Variants in CDH23 observed in about 807,000 individuals in gnomAD.
The protein encoded by CDH23 is cadherin-23.
Under a neutral mutation model 317.1 loss-of-function variants are expected in CDH23, and 189 were observed. That is an observed-to-expected ratio of 0.60 (90% CI 0.53 to 0.67). The LOEUF (loss-of-function observed/expected upper bound fraction) is 0.67. CDH23 is among the 30% of genes least tolerant of loss of function. The probability of loss-of-function intolerance (pLI) is 0.00; values close to 1 mark genes in which losing one functional copy is unlikely to be tolerated. For synonymous variants in CDH23, 1,839 were observed against 1,876.8 expected (o/e 0.98, Z 0.52); for missense variants, 4,401 against 4,592.4 (o/e 0.96, Z 1.20).
chr10:71,815,070 A>C lies in CDH23; in HGVS notation c.9857A>C (p.His3286Pro). The C allele has an allele frequency of 6.2e-7, 1 of 1,611,848 alleles. No individual in the cohort carries two copies. The highest frequency in any genetic ancestry group is 8.5e-7 in the Non-Finnish European group (1 of 1,179,362). Reference protein sequence around the residue: ...LKGPDGIHVVHGSTGTLLATD... With the variant: ...LKGPDGIHVVPGSTGTLLATD... Reference sequence around the variant, plus strand: ...GGGCCCGATGGGATCCATGTGGTGCACGGCAGCACGGGCACGCTGCTGGCC... The same window carrying C: ...GGGCCCGATGGGATCCATGTGGTGCCCGGCAGCACGGGCACGCTGCTGGCC... Residue 3286 changes from histidine to proline, a missense_variant, in exon 70 of 70, where the codon CAC becomes CCC. Physicochemically the swap from His to Pro is moderately conservative, Grantham distance 77. This residue lies in a region of CDH23 where 1,144 missense variants were observed against 1,138.2 expected (regional missense o/e 1.01). Coordinates refer to ENST00000224721, the MANE Select transcript of CDH23 (RefSeq NM_022124.6).
At chr10:71,754,011 T>A (rs1840071267) in intron 38 of CDH23, among the ~76,000 whole-genome samples, 1 of 152,182 alleles carries the variant, frequency 6.6e-6, no homozygotes, top group South Asian at 2.1e-4. Flanking sequence ...AATCCACACC[T>A]GTTGGCCTCT....
At chr10:71,781,919 C>T (rs1380709318) in intron 41 of CDH23, among the ~76,000 whole-genome samples, 1 of 152,198 alleles carries the variant, frequency 6.6e-6, no homozygotes, top group Non-Finnish European at 1.5e-5. Flanking sequence ...TTTCCCACAT[C>T]TCCTCCCACC....
chr10:71,403,610 G>A (rs1369449272), intron 1 of CDH23, among the ~76,000 whole-genome samples: 19 of 147,974 alleles, frequency 1.3e-4, no homozygotes, highest in African/African-American at 3.5e-4. Context: ...TCCGCCTCCC[G>A]GATTCAAGTG....
intron 19 of CDH23, among the ~76,000 whole-genome samples, chr10:71,689,343 G>C (rs1201463060): frequency 6.6e-6 from 1 of 152,040 alleles, no homozygotes; most frequent in East Asian, 1.9e-4. Context: ...GCTGCACCCA[G>C]CCTACCCTGC....
chr10:71,706,869 T>C lies in CDH23; in HGVS notation c.2954-28T>C. On this transcript the variant is annotated intron_variant, in intron 25 of 69. Coordinates refer to ENST00000224721, the MANE Select transcript of CDH23 (RefSeq NM_022124.6). The stretch of plus-strand genomic sequence containing the variant: ...GGTCTTCTGCGGCAGAAGCCAGGCC[T>C]AGCCCCGGCGCCCGTTCTGCCCCGC... The C allele has an allele frequency of 1.9e-6, 3 of 1,571,152 alleles. No homozygotes were observed. The South Asian group carries it at 3.5e-5, about 18-fold the overall frequency.
chr10:71,672,869 G>A lies in CDH23; in HGVS notation c.1450-2243G>A, dbSNP rs561766965. 2.0e-5 allele frequency among the ~76,000 whole-genome samples: 3 copies of A among 152,122 alleles called. No individual in the cohort carries two copies. In the South Asian group the frequency reaches 6.2e-4, roughly 32 times the overall value. The stretch of plus-strand genomic sequence containing the variant: ...TTTTGTGGGGCACCCAGATCTGAAG[G>A]GCTCATCCCCAGGGCTCAGATGTGA... On this transcript the variant is annotated intron_variant, in intron 14 of 69. Transcript: ENST00000224721.
At chr10:71,634,817 C>G (rs780921964) in intron 11 of CDH23, among the ~76,000 whole-genome samples, 2 of 152,202 alleles carry the variant, frequency 1.3e-5, no homozygotes, top group Non-Finnish European at 2.9e-5. Context: ...TGGAAAGGAC[C>G]GTGTGTCCCC....
At chr10:71,525,069 A>C (rs1022628107) in intron 6 of CDH23, among the ~76,000 whole-genome samples, 6 of 151,570 alleles carry the variant, frequency 4.0e-5, no homozygotes, top group Non-Finnish European at 8.8e-5. Flanking sequence ...CACCATGCCC[A>C]GCTAATTTTT....
chr10:71,643,973 C>A (rs1294683434), intron 12 of CDH23, 107 bp downstream of exon 12: 6 of 719,490 alleles, frequency 8.3e-6, no homozygotes, highest in South Asian at 1.5e-5. Flanking sequence ...CCCACCCTCT[C>A]AGGCCCCCAG....
rs757887131 is a variant in CDH23, at chr10:71,702,226, C to T, written c.2587+15C>T. 7 of 1,610,038 alleles carry T rather than the reference C, an allele frequency of 4.3e-6. No homozygotes were observed. In the East Asian group the frequency reaches 6.7e-5, roughly 15 times the overall value. Reference sequence around the variant, plus strand: ...TGTTACTGACTGTATGGACCCCTCTCGCCCCTCACGGCCCCCACACCTTAG... The same window carrying T: ...TGTTACTGACTGTATGGACCCCTCTTGCCCCTCACGGCCCCCACACCTTAG... On this transcript the variant is annotated intron_variant, in intron 23 of 69. Transcript: ENST00000224721.
chr10:71,403,526 C>CT lies in CDH23; in HGVS notation c.-6+6219dup, dbSNP rs763396840. Among the ~76,000 whole-genome samples the CT allele has an allele frequency of 7.8e-4, 93 of 118,700 alleles. 4 individuals carry two copies. Among genetic ancestry groups the CT allele is most frequent in the East Asian group, 4.1e-3 (14 of 3,442 alleles). 77.9% of individuals were successfully genotyped at this position (118,700 alleles called of 152,430 possible). ...CCTTCCTTTCTTTCCTTCTTTCTTT[C>CT]TTTTTTTTTTTGATGGAGTCTCTCT... On this transcript the variant is annotated intron_variant, in intron 1 of 69. Coordinates refer to ENST00000224721, the MANE Select transcript of CDH23 (RefSeq NM_022124.6).
At chr10:71,594,714 C>T (rs578182736) in intron 9 of CDH23, among the ~76,000 whole-genome samples, 5 of 152,278 alleles carry the variant, frequency 3.3e-5, no homozygotes, top group African/African-American at 1.2e-4. Context: ...CTTGATTTGG[C>T]CTCTTGACCT....
chr10:71,793,731 C>A, intron 48 of CDH23, 91 bp downstream of exon 48: 3 of 990,218 alleles, frequency 3.0e-6, no homozygotes, highest in African/African-American at 1.6e-5. Flanking sequence ...CTTTCTCTTT[C>A]TTTGCTGTTC....
chr10:71,566,964 G>A (rs547555560), intron 7 of CDH23, 28 bp downstream of exon 7: 225 of 1,600,648 alleles, frequency 1.4e-4, no homozygotes, highest in South Asian at 8.3e-4. Flanking sequence ...GGCCCCGGCC[G>A]TCCCAGCTGC....
At chr10:71,620,522 A>C (rs564021147) in intron 11 of CDH23, among the ~76,000 whole-genome samples, 1 of 152,168 alleles carries the variant, frequency 6.6e-6, no homozygotes, top group East Asian at 1.9e-4. Flanking sequence ...AAATGTCTGC[A>C]GGAATGCCCA....
chr10:71,609,325 T>C (rs1860720320), intron 9 of CDH23, among the ~76,000 whole-genome samples: 1 of 148,238 alleles, frequency 6.7e-6, no homozygotes, highest in Non-Finnish European at 1.5e-5. Context: ...TCCGACCACC[T>C]AGAAAACAGC....
intron 3 of CDH23, among the ~76,000 whole-genome samples, chr10:71,465,075 A>AT (rs1196609352): frequency 6.6e-6 from 1 of 152,266 alleles, no homozygotes; most frequent in Non-Finnish European, 1.5e-5. Context: ...TACAGTAGTC[A>AT]TTAGCCACGT....
chr10:71,801,150 C>CTTTTTTTTTTT (rs386371783), intron 53 of CDH23, among the ~76,000 whole-genome samples: 1 of 73,958 alleles, frequency 1.4e-5, no homozygotes, highest in Non-Finnish European at 2.4e-5. Context: ...CTCTCTCTCT[C>CTTTTTTTTTTT]TTTTTTTTTT....
At chr10:71,769,087 G>T (rs970511540) in intron 38 of CDH23, among the ~76,000 whole-genome samples, 1 of 152,292 alleles carries the variant, frequency 6.6e-6, no homozygotes, top group Non-Finnish European at 1.5e-5. Flanking sequence ...GCCTGGCCAC[G>T]TCTACCACAT....
Sources: gnomAD v4.1 joint callset for allele counts (sites outside exome capture counted in the v4.1 genomes callset) on GRCh38, gnomAD v4.1.1 for gene constraint, gnomAD v4.1.1 regional missense constraint, MANE v1.5 for transcripts, NCBI Gene and HGNC (gene_info 2026-07-23, HGNC 2026-07-21) for gene names.